Variants in ACAP2 observed in about 807,000 individuals in gnomAD.
ACAP2 encodes the protein arf-GAP with coiled-coil, ANK repeat and PH domain-containing protein 2.
ACAP2 carries 39 observed loss-of-function variants against 115.8 expected under a neutral mutation model. The observed-to-expected ratio is 0.34, with a 90% CI of 0.26 to 0.44. The LOEUF (loss-of-function observed/expected upper bound fraction) is 0.44. Ranked by LOEUF, ACAP2 falls within the 20% of genes least tolerant of loss-of-function variation. ACAP2 has a pLI of 1.00. For synonymous variants in ACAP2, 289 were observed against 315.8 expected (o/e 0.92, Z 0.90); for missense variants, 662 against 927.6 (o/e 0.71, Z 3.72).
At chr3:195,388,617 C>T (rs1462141997) in intron 2 of ACAP2, among the ~76,000 whole-genome samples, 2 of 152,212 alleles carry the variant, frequency 1.3e-5, no homozygotes, top group Non-Finnish European at 2.9e-5. Flanking sequence ...CTCCACCACC[C>T]ACATTAGTCC....
chr3:195,397,424 C>T (rs1711887262), intron 1 of ACAP2, among the ~76,000 whole-genome samples: 1 of 151,952 alleles, frequency 6.6e-6, no homozygotes, highest in Admixed American at 6.6e-5. Context: ...GAGATTACTC[C>T]CTCTGTTTTC....
At chr3:195,337,328 C>T (rs1376452972) in intron 6 of ACAP2, among the ~76,000 whole-genome samples, 1 of 152,098 alleles carries the variant, frequency 6.6e-6, no homozygotes, top group African/African-American at 2.4e-5. Context: ...ATTCTCAGCA[C>T]TTTACCACTA....
intron 10 of ACAP2, among the ~76,000 whole-genome samples, chr3:195,309,910 A>G (rs7610012): frequency 0.029 from 4,483 of 152,302 alleles, 210 homozygotes; most frequent in African/African-American, 0.1. Context: ...AAACAATAAA[A>G]GACCTAAAGG....
Position 195,275,338 on chromosome 3 carries a change from G to A in ACAP2, c.*3990C>T, listed in dbSNP as rs753364237. The A allele has an allele frequency of 6.6e-6, 1 of 152,180 alleles. No homozygotes were observed. Among genetic ancestry groups the A allele is most frequent in the African/African-American group, 2.4e-5 (1 of 41,448 alleles). 9.4% of individuals were successfully genotyped at this position (152,180 alleles called of 1,614,324 possible). On this transcript the variant is annotated 3_prime_UTR_variant, in exon 23 of 23. Coordinates refer to ENST00000326793, the MANE Select transcript of ACAP2 (RefSeq NM_012287.6). ...AAAAGATGTCCACAAAACCATATCTGTAGATGTCATTTGGAAGCATCAAGA... is the reference window on the plus strand; with the variant it reads ...AAAAGATGTCCACAAAACCATATCTATAGATGTCATTTGGAAGCATCAAGA...
intron 4 of ACAP2, among the ~76,000 whole-genome samples, chr3:195,351,485 T>A (rs969051337): frequency 1.1e-3 from 142 of 128,482 alleles, no homozygotes; most frequent in African/African-American, 4.0e-3. Context: ...TGTGTGTGTG[T>A]GACGGAGTCT....
At chr3:195,406,019 G>A (rs1712743493) in intron 1 of ACAP2, among the ~76,000 whole-genome samples, 1 of 152,110 alleles carries the variant, frequency 6.6e-6, no homozygotes, top group African/African-American at 2.4e-5. Flanking sequence ...CAGCAATGGG[G>A]ATTACAATTT....
chr3:195,400,210 GTA>G (rs576223533), intron 1 of ACAP2, among the ~76,000 whole-genome samples: 1 of 150,998 alleles, frequency 6.6e-6, no homozygotes, highest in Admixed American at 6.6e-5. Context: ...ATACGTATGT[GTA>G]TATATATATG....
chr3:195,433,348 A>G (rs1202821508), intron 1 of ACAP2, among the ~76,000 whole-genome samples: 1 of 152,218 alleles, frequency 6.6e-6, no homozygotes, highest in Non-Finnish European at 1.5e-5. Context: ...TTGACTCACA[A>G]AAGTGGAACC....
intron 16 of ACAP2, among the ~76,000 whole-genome samples, chr3:195,296,719 C>T (rs558207174): frequency 6.6e-6 from 1 of 152,126 alleles, no homozygotes; most frequent in South Asian, 2.1e-4. Context: ...CAAGTACTCT[C>T]CCCCTTTCAG....
intron 9 of ACAP2, among the ~76,000 whole-genome samples, chr3:195,322,290 G>A (rs1729501067): frequency 6.6e-6 from 1 of 152,044 alleles, no homozygotes; most frequent in African/African-American, 2.4e-5. Context: ...ATTAAAATTA[G>A]AATTCTACCC....
Position 195,383,981 on chromosome 3 carries a change from G to A in ACAP2, c.112-1959C>T, listed in dbSNP as rs554593969. On this transcript the variant is annotated intron_variant, in intron 2 of 22. Transcript: ENST00000326793. Reference sequence around the variant, plus strand: ...AAGTTTGATAACATGCTGTTTTAAAGAGGGCAGTTATGGGGAAATAGTCAC... The same window carrying A: ...AAGTTTGATAACATGCTGTTTTAAAAAGGGCAGTTATGGGGAAATAGTCAC... Among the ~76,000 whole-genome samples, 4 of 152,232 alleles carry A rather than the reference G, an allele frequency of 2.6e-5. No individual in the cohort carries two copies. The South Asian group carries it at 8.3e-4, about 32-fold the overall frequency.
At position 195,294,710 on chromosome 3, in the gene ACAP2, A is replaced by G; in HGVS notation, c.1765+9T>C. ...AAACCAATTAACATTGAGTTTCATC[A>G]GAACTCACCAGGCTCATATAAACTA... On this transcript the variant is annotated intron_variant, in intron 18 of 22. Coordinates refer to ENST00000326793, the MANE Select transcript of ACAP2 (RefSeq NM_012287.6). The G allele has an allele frequency of 1.3e-6, 2 of 1,535,626 alleles. No individual in the cohort carries two copies. The highest frequency in any genetic ancestry group is 1.8e-6 in the Non-Finnish European group (2 of 1,123,478).
At chr3:195,404,917 C>A (rs2108798963) in intron 1 of ACAP2, among the ~76,000 whole-genome samples, 1 of 151,842 alleles carries the variant, frequency 6.6e-6, no homozygotes, top group South Asian at 2.1e-4. Context: ...CCTGCCTCAG[C>A]CTCCTGAGTA....
chr3:195,297,944 T>G (rs1727760095), intron 15 of ACAP2, among the ~76,000 whole-genome samples: 1 of 152,202 alleles, frequency 6.6e-6, no homozygotes, highest in Non-Finnish European at 1.5e-5. Context: ...TTAGCTAATC[T>G]TATTGCTTCT....
chr3:195,372,987 CAAAAAAAAAAAA>C (rs869134113), intron 4 of ACAP2, among the ~76,000 whole-genome samples: 9 of 17,792 alleles, frequency 5.1e-4, no homozygotes, highest in African/African-American at 1.3e-3. Context: ...GACTCCATCT[CAAAAAAAAAAAA>C]AAAAAAAAAA....
rs1416611406 is a variant in ACAP2, at chr3:195,341,298, C to T, written c.528+1173G>A. On this transcript the variant is annotated intron_variant, in intron 6 of 22. Transcript: ENST00000326793. ...CAGATTTCTAGTTTTTGGGTTTTTTCGTTTGTTTGTTTTATTGTGTGGGTT... is the reference window on the plus strand; with the variant it reads ...CAGATTTCTAGTTTTTGGGTTTTTTTGTTTGTTTGTTTTATTGTGTGGGTT... Among the ~76,000 whole-genome samples the T allele has an allele frequency of 9.8e-5, 14 of 142,906 alleles. No homozygotes were observed. In the East Asian group the frequency reaches 1.2e-3, roughly 13 times the overall value. The allele number at this position is 142,906 out of a possible 152,430, so 93.8% of individuals were successfully genotyped here.
chr3:195,302,203 A>G, intron 13 of ACAP2, 29 bp from the exon 14 acceptor site: 4 of 532,230 alleles, frequency 7.5e-6, no homozygotes, highest in Non-Finnish European at 1.1e-5. Context: ...ACTTGTTTTT[A>G]AAAAAAAAAA....
chr3:195,363,643 A>T (rs551916928), intron 4 of ACAP2, among the ~76,000 whole-genome samples: 1 of 138,964 alleles, frequency 7.2e-6, no homozygotes, highest in Admixed American at 7.2e-5. Context: ...ACACACACAC[A>T]CACAAAAACA....
At chr3:195,335,872 T>C (rs1352835819) in intron 7 of ACAP2, 1 of 149,582 alleles carries the variant, frequency 6.7e-6, no homozygotes, top group Non-Finnish European at 1.5e-5. Context: ...TACCACATCA[T>C]GCCCTGCCCA....
Sources: allele counts gnomAD v4.1 joint callset (sites outside exome capture counted in the v4.1 genomes callset), GRCh38; gene constraint gnomAD v4.1.1; transcripts MANE v1.5; gene names NCBI Gene and HGNC (gene_info 2026-07-23, HGNC 2026-07-21).